ACKR2: variants seen among roughly 807,000 people sequenced by gnomAD.
ACKR2 encodes the protein C-C chemokine receptor D6.
For missense variants in ACKR2, 457 were observed against 477.3 expected (o/e 0.96, Z 0.40); for synonymous variants, 207 against 192.2 (o/e 1.08, Z -0.64).
intron 2 of ACKR2, among the ~76,000 whole-genome samples, chr3:42,827,081 A>G (rs936759999): frequency 6.6e-6 from 1 of 152,106 alleles, no homozygotes; most frequent in African/African-American, 2.4e-5. Flanking sequence ...GTTGGAGAAG[A>G]TATTATATAT....
At chr3:42,824,593 T>G (rs1700843723) in intron 2 of ACKR2, among the ~76,000 whole-genome samples, 1 of 152,210 alleles carries the variant, frequency 6.6e-6, no homozygotes, top group Non-Finnish European at 1.5e-5. Flanking sequence ...TCGTACAATA[T>G]ATGGACTTTT....
intron 2 of ACKR2, among the ~76,000 whole-genome samples, chr3:42,849,612 GGAA>G (rs1391623709): frequency 6.6e-5 from 10 of 152,302 alleles, no homozygotes; most frequent in African/African-American, 1.4e-4. Flanking sequence ...TGCTGCATGT[GGAA>G]GAAGACTTAT....
chr3:42,812,956 T>C (rs1378079180), intron 1 of ACKR2, among the ~76,000 whole-genome samples: 1 of 152,174 alleles, frequency 6.6e-6, no homozygotes, highest in East Asian at 1.9e-4. Context: ...CCCAAAGTGC[T>C]GGGATTACAG....
chr3:42,843,807 A>G (rs1701064914), intron 2 of ACKR2: 1 of 152,286 alleles, frequency 6.6e-6, no homozygotes, highest in South Asian at 2.1e-4. Flanking sequence ...CCATGAACCC[A>G]TGTTCCCTTT....
intron 2 of ACKR2, among the ~76,000 whole-genome samples, chr3:42,857,407 G>A (rs1441316313): frequency 2.0e-5 from 3 of 152,136 alleles, no homozygotes; most frequent in Non-Finnish European, 4.4e-5. Context: ...GGCTGGTGGG[G>A]AGATGATGAA....
At chr3:42,827,996 G>A (rs72867321) in intron 2 of ACKR2, among the ~76,000 whole-genome samples, 5,018 of 151,382 alleles carry the variant, frequency 0.033, 194 homozygotes, top group African/African-American at 0.096. Context: ...GCAAAATCAT[G>A]TGTAAAGTCA....
intron 1 of ACKR2, among the ~76,000 whole-genome samples, chr3:42,818,241 A>G (rs1045191154): frequency 1.3e-5 from 2 of 152,162 alleles, no homozygotes; most frequent in African/African-American, 2.4e-5. Flanking sequence ...ACAAGCCTGC[A>G]CTTTCTCCTA....
intron 2 of ACKR2, among the ~76,000 whole-genome samples, chr3:42,843,597 G>A (rs745616082): frequency 3.9e-5 from 6 of 152,154 alleles, no homozygotes; most frequent in Non-Finnish European, 8.8e-5. Flanking sequence ...CTGCTGTCTA[G>A]CAGGGTGGTC....
rs542250448 is a variant in ACKR2 at position 42,820,364 on chromosome 3, C to T, written c.-38+653C>T. ...TATAATCTGCTTTGGGAGTCTGAGG[C>T]GGATGGATCACGAGGTCAGGAGATC... On this transcript the variant is annotated intron_variant, in intron 2 of 2. Coordinates refer to ENST00000422265, the MANE Select transcript of ACKR2 (RefSeq NM_001296.5). Among the ~76,000 whole-genome samples the T allele has an allele frequency of 4.0e-3, 608 of 152,084 alleles. 2 individuals carry two copies. Among genetic ancestry groups the T allele is most frequent in the Non-Finnish European group, 6.7e-3 (456 of 67,988 alleles).
intron 2 of ACKR2, among the ~76,000 whole-genome samples, chr3:42,858,932 GA>G (rs2088351260): frequency 2.6e-5 from 4 of 152,012 alleles, no homozygotes; most frequent in Admixed American, 2.0e-4. Flanking sequence ...ATCAGAGATT[GA>G]AGATCAACTT....
At chr3:42,856,117 G>A (rs2088315530) in intron 2 of ACKR2, 1 of 437,634 alleles carries the variant, frequency 2.3e-6, no homozygotes, top group Admixed American at 4.0e-5. Flanking sequence ...GGGAGGAGTT[G>A]AAGGCCAGGA....
chr3:42,819,789 C>CT (rs1700791430), intron 2 of ACKR2, 78 bp downstream of exon 2: 1 of 152,312 alleles, frequency 6.6e-6, no homozygotes, highest in Non-Finnish European at 1.5e-5. Context: ...GCTGCAGGCC[C>CT]TTCTGGCTTT....
intron 1 of ACKR2, among the ~76,000 whole-genome samples, chr3:42,816,635 A>G (rs1700753297): frequency 6.6e-6 from 1 of 151,720 alleles, no homozygotes. Context: ...CAGCTCACTG[A>G]AACCTCTGCC....
chr3:42,837,845 C>G (rs1449614903), intron 2 of ACKR2, among the ~76,000 whole-genome samples: 1 of 152,134 alleles, frequency 6.6e-6, no homozygotes, highest in Non-Finnish European at 1.5e-5. Context: ...AAATCAGCCC[C>G]CATCTCCCTG....
intron 2 of ACKR2, among the ~76,000 whole-genome samples, chr3:42,826,427 T>A (rs1700865421): frequency 6.6e-6 from 1 of 152,134 alleles, no homozygotes; most frequent in Non-Finnish European, 1.5e-5. Flanking sequence ...ATGAAATTCC[T>A]TTCTTTGTTA....
chr3:42,820,943 G>A (rs1039280515), intron 2 of ACKR2, among the ~76,000 whole-genome samples: 3 of 151,584 alleles, frequency 2.0e-5, no homozygotes, highest in Non-Finnish European at 2.9e-5. Flanking sequence ...AAAGTGCAGC[G>A]GTGCGATCTC....
intron 2 of ACKR2, among the ~76,000 whole-genome samples, chr3:42,827,405 A>T (rs562806138): frequency 6.6e-6 from 1 of 152,212 alleles, no homozygotes; most frequent in Admixed American, 6.5e-5. Context: ...ATTCCAATTC[A>T]GTCTTTCTAA....
intron 2 of ACKR2, among the ~76,000 whole-genome samples, chr3:42,825,178 G>C (rs1700850053): frequency 6.6e-6 from 1 of 152,106 alleles, no homozygotes; most frequent in Non-Finnish European, 1.5e-5. Context: ...AAGTTGTTTT[G>C]GCTATTCTGG....
chr3:42,865,589 A>G lies in ACKR2; in HGVS notation c.1087A>G (p.Asn363Asp). ...TGCCCAAGAGGAAATGACTGGCATGAATGACCTTGGAGAGAGGCAGTCTGA... is the reference window on the plus strand; with the variant it reads ...TGCCCAAGAGGAAATGACTGGCATGGATGACCTTGGAGAGAGGCAGTCTGA... ...LTAQEEMTGM[N>D]DLGERQSENY... Residue 363 changes from asparagine (N) to aspartate (D), a missense_variant, in exon 3 of 3, where the codon AAT (asparagine) becomes GAT (aspartate). Transcript: ENST00000422265. 6.2e-7 allele frequency: 1 copy of G among 1,614,138 alleles called. No individual in the cohort carries two copies. Among genetic ancestry groups the G allele is most frequent in the Non-Finnish European group, 8.5e-7 (1 of 1,180,028 alleles).
Sources: allele counts gnomAD v4.1 joint callset (sites outside exome capture counted in the v4.1 genomes callset), GRCh38; gene constraint gnomAD v4.1.1; transcripts MANE v1.5; gene names NCBI Gene and HGNC (gene_info 2026-07-23, HGNC 2026-07-21).